PDLIM5: variants seen among roughly 807,000 people sequenced by gnomAD.
PDLIM5 encodes PDZ and LIM domain protein 5.
PDLIM5 carries 34 observed loss-of-function variants against 64.2 expected under a neutral mutation model. That is an observed-to-expected ratio of 0.53 (90% CI 0.40 to 0.71). The LOEUF is 0.71. PDLIM5 is among the 30% of genes least tolerant of loss of function. The probability of loss-of-function intolerance (pLI) is 0.00; values close to 1 mark genes in which losing one functional copy is unlikely to be tolerated. For synonymous variants in PDLIM5, 253 were observed against 269.1 expected, an observed-to-expected ratio of 0.94 and a Z score of 0.59; for missense variants, 683 against 733.6, an observed-to-expected ratio of 0.93 and a Z score of 0.80.
intron 2 of PDLIM5, among the ~76,000 whole-genome samples, chr4:94,488,780 G>A (rs1021229002): frequency 4.6e-5 from 7 of 152,166 alleles, no homozygotes; most frequent in Non-Finnish European, 5.9e-5. Flanking sequence ...AGGGTTCCTG[G>A]TTGAGCATGT....
intron 7 of PDLIM5, among the ~76,000 whole-genome samples, chr4:94,596,530 C>T (rs979741368): frequency 1.3e-5 from 2 of 151,144 alleles, no homozygotes; most frequent in Non-Finnish European, 3.0e-5. Flanking sequence ...GACTCCTGCA[C>T]TTTAGTTTTT....
At chr4:94,515,605 T>C (rs1267599210) in intron 2 of PDLIM5, among the ~76,000 whole-genome samples, 1 of 152,188 alleles carries the variant, frequency 6.6e-6, no homozygotes, top group Admixed American at 6.5e-5. Flanking sequence ...GTTCCTATAA[T>C]TTTTTTGGTT....
chr4:94,564,699 A>G (rs1032109247), intron 3 of PDLIM5, among the ~76,000 whole-genome samples: 6 of 109,684 alleles, frequency 5.5e-5, no homozygotes, highest in African/African-American at 2.4e-4. Context: ...TTTGTCTCCC[A>G]GGCTGGAGTG....
At chr4:94,517,102 T>A (rs1729427585) in intron 2 of PDLIM5, among the ~76,000 whole-genome samples, 1 of 152,214 alleles carries the variant, frequency 6.6e-6, no homozygotes, top group Non-Finnish European at 1.5e-5. Context: ...TCTTTACTTC[T>A]GCTCACTTTA....
intron 2 of PDLIM5, among the ~76,000 whole-genome samples, chr4:94,512,859 A>C (rs758580878): frequency 4.6e-5 from 7 of 152,098 alleles, no homozygotes; most frequent in Non-Finnish European, 7.4e-5. Context: ...ATAGTTTCAT[A>C]GTTTGAGGTG....
intron 2 of PDLIM5, among the ~76,000 whole-genome samples, chr4:94,520,115 C>CA (rs199731774): frequency 0.012 from 1,754 of 152,250 alleles, 38 homozygotes; most frequent in African/African-American, 0.04. Flanking sequence ...GACCTGAACT[C>CA]AGAGGCAGTT....
intron 7 of PDLIM5, among the ~76,000 whole-genome samples, chr4:94,606,647 G>A (rs1316419438): frequency 1.3e-5 from 2 of 152,156 alleles, no homozygotes; most frequent in African/African-American, 2.4e-5. Context: ...AGACATGATG[G>A]CATTTGTATT....
At chr4:94,459,515 G>A (rs1402008530) in intron 2 of PDLIM5, among the ~76,000 whole-genome samples, 1 of 152,194 alleles carries the variant, frequency 6.6e-6, no homozygotes, top group African/African-American at 2.4e-5. Context: ...AACAGAGAAG[G>A]ACAGAATTGT....
chr4:94,548,598 A>G (rs967673869), intron 3 of PDLIM5, among the ~76,000 whole-genome samples: 5 of 152,314 alleles, frequency 3.3e-5, no homozygotes, highest in Non-Finnish European at 7.4e-5. Flanking sequence ...CTAAGGGAAG[A>G]TAAGAGAGGA....
chr4:94,550,069 C>G (rs1352897097), intron 3 of PDLIM5: 3 of 151,884 alleles, frequency 2.0e-5, no homozygotes. Flanking sequence ...CACATAAACA[C>G]ATATATTAAA....
intron 2 of PDLIM5, among the ~76,000 whole-genome samples, chr4:94,504,011 C>T (rs953857401): frequency 6.6e-6 from 1 of 151,964 alleles, no homozygotes; most frequent in Middle Eastern, 3.2e-3. Flanking sequence ...AATACAATAC[C>T]CTGGATAATC....
At position 94,657,409 on chromosome 4, in the gene PDLIM5, A is replaced by G. The variant is rs202227681; in HGVS notation, c.1465-18A>G. ...TTGTCATCTTCTTTTTTTACATCCAATTACCTTTCTGTAACAGGAAGTCAT... is the reference window on the plus strand; with the variant it reads ...TTGTCATCTTCTTTTTTTACATCCAGTTACCTTTCTGTAACAGGAAGTCAT... On this transcript the variant is annotated intron_variant, in intron 10 of 12. Transcript: ENST00000317968. 1.6e-5 allele frequency: 25 copies of G among 1,545,984 alleles called. No individual in the cohort carries two copies. The highest frequency in any genetic ancestry group is 2.7e-5 in the African/African-American group (2 of 73,366).
chr4:94,598,860 A>T (rs899371744), intron 7 of PDLIM5, among the ~76,000 whole-genome samples: 1 of 152,108 alleles, frequency 6.6e-6, no homozygotes, highest in African/African-American at 2.4e-5. Flanking sequence ...GAGTGCCCTG[A>T]AAGAGTCAGT....
chr4:94,535,622 G>A lies in PDLIM5; in HGVS notation c.248+11747G>A, dbSNP rs528073005. On this transcript the variant is annotated intron_variant, in intron 3 of 12. Transcript: ENST00000317968. ...AAAACAGACTAGGAATAGAGTAGAGGAAATTAGTATGGCATCACAGCATGG... is the reference window on the plus strand; with the variant it reads ...AAAACAGACTAGGAATAGAGTAGAGAAAATTAGTATGGCATCACAGCATGG... Among the ~76,000 whole-genome samples, 3 of 152,168 alleles carry A rather than the reference G, an allele frequency of 2.0e-5. No homozygotes were observed. In the East Asian group the frequency reaches 5.8e-4, roughly 30 times the overall value.
chr4:94,520,012 G>A (rs1011587039), intron 2 of PDLIM5, among the ~76,000 whole-genome samples: 21 of 152,106 alleles, frequency 1.4e-4, no homozygotes, highest in Non-Finnish European at 1.9e-4. Context: ...AGATCCTTTC[G>A]TACTGAAGTT....
intron 9 of PDLIM5, among the ~76,000 whole-genome samples, 189 bp from the exon 10 acceptor site, chr4:94,654,271 G>A (rs534202920): frequency 1.3e-5 from 2 of 152,200 alleles, no homozygotes; most frequent in African/African-American, 2.4e-5. Context: ...CACGTCTCCC[G>A]TTTTCTTTTC....
intron 5 of PDLIM5, among the ~76,000 whole-genome samples, chr4:94,578,320 T>C (rs1275545407): frequency 6.6e-6 from 1 of 152,232 alleles, no homozygotes; most frequent in Non-Finnish European, 1.5e-5. Context: ...GCCTTTATGA[T>C]GGCTTCTTAA....
intron 2 of PDLIM5, among the ~76,000 whole-genome samples, chr4:94,514,011 T>C (rs548939570): frequency 2.0e-5 from 3 of 152,356 alleles, no homozygotes; most frequent in Admixed American, 6.5e-5. Flanking sequence ...CTTGTTGATA[T>C]GATGTATCAC....
chr4:94,610,390 T>C, intron 7 of PDLIM5: 2 of 731,490 alleles, frequency 2.7e-6, no homozygotes, highest in Non-Finnish European at 4.1e-6. Flanking sequence ...ACATGCCCCT[T>C]TGAAGCAATC....
Sources: allele counts gnomAD v4.1 joint callset (sites outside exome capture counted in the v4.1 genomes callset), GRCh38; gene constraint gnomAD v4.1.1; transcripts MANE v1.5; gene names NCBI Gene and HGNC (gene_info 2026-07-23, HGNC 2026-07-21).